PEBP4: variants seen among roughly 807,000 people sequenced by gnomAD.
The protein encoded by PEBP4 is phosphatidylethanolamine binding protein 4.
In PEBP4, 22 loss-of-function variants were observed where a neutral mutation model predicts 23.9. The observed-to-expected ratio is 0.92, with a 90% CI of 0.66 to 1.31. The LOEUF is 1.31. Ranked by LOEUF, PEBP4 falls within the 40% of genes most tolerant of loss-of-function variation. The probability of loss-of-function intolerance (pLI) is 0.00; values close to 1 mark genes in which losing one functional copy is unlikely to be tolerated. For synonymous variants in PEBP4, 112 were observed against 99.3 expected (o/e 1.13, Z -0.76); for missense variants, 324 against 281.7 (o/e 1.15, Z -1.07).
intron 3 of PEBP4, among the ~76,000 whole-genome samples, chr8:22,827,615 G>C (rs189899748): frequency 9.8e-4 from 149 of 152,244 alleles, no homozygotes; most frequent in Non-Finnish European, 1.4e-3. Flanking sequence ...TGTATGGATA[G>C]AGACCACATT....
At chr8:22,915,020 C>A (rs562504599) in intron 3 of PEBP4, among the ~76,000 whole-genome samples, 1 of 152,118 alleles carries the variant, frequency 6.6e-6, no homozygotes, top group African/African-American at 2.4e-5. Context: ...TCATTGTTAC[C>A]CACTCGCCTG....
intron 4 of PEBP4, among the ~76,000 whole-genome samples, chr8:22,746,165 A>T (rs1805112042): frequency 6.6e-6 from 1 of 151,822 alleles, no homozygotes; most frequent in Non-Finnish European, 1.5e-5. Flanking sequence ...GCTGAAGTAC[A>T]TGTGAAAAGG....
upstream of PEBP4, among the ~76,000 whole-genome samples, chr8:22,931,425 C>A (rs1000082753): frequency 1.1e-4 from 17 of 152,030 alleles, no homozygotes; most frequent in African/African-American, 3.9e-4. Flanking sequence ...CAACCCTAAT[C>A]TATTTTCCGT....
chr8:22,870,189 C>T (rs1002017632), intron 3 of PEBP4, among the ~76,000 whole-genome samples: 1 of 152,154 alleles, frequency 6.6e-6, no homozygotes, highest in Non-Finnish European at 1.5e-5. Flanking sequence ...TTGGAAGCAA[C>T]CAAAATGTCA....
intron 3 of PEBP4, among the ~76,000 whole-genome samples, chr8:22,874,416 C>T (rs191925100): frequency 2.0e-5 from 3 of 152,308 alleles, no homozygotes; most frequent in Admixed American, 2.0e-4. Context: ...ATGAATGTTT[C>T]TCAGTTCAGT....
chr8:22,895,527 A>T (rs981477578), intron 3 of PEBP4: 11 of 152,132 alleles, frequency 7.2e-5, no homozygotes, highest in African/African-American at 2.2e-4. Flanking sequence ...GGATTTTTTT[A>T]AAAATTCTGA....
chr8:22,746,554 C>G (rs907445368), intron 4 of PEBP4, among the ~76,000 whole-genome samples: 1 of 151,942 alleles, frequency 6.6e-6, no homozygotes, highest in South Asian at 2.1e-4. Flanking sequence ...CAGCCTCTTC[C>G]TCCCTGTCCT....
At chr8:22,871,942 C>G (rs529862065) in intron 3 of PEBP4, among the ~76,000 whole-genome samples, 13 of 152,264 alleles carry the variant, frequency 8.5e-5, no homozygotes, top group East Asian at 5.8e-4. Context: ...AACCTCCCCC[C>G]GCAAGTCCCC....
At chr8:22,740,646 C>T (rs547111373) in intron 4 of PEBP4, among the ~76,000 whole-genome samples, 53 of 152,180 alleles carry the variant, frequency 3.5e-4, no homozygotes, top group Non-Finnish European at 5.9e-4. Flanking sequence ...ATCTGAGCCC[C>T]GGTTCCTGAT....
chr8:22,913,986 T>C (rs902672344), intron 3 of PEBP4, among the ~76,000 whole-genome samples: 2 of 64,154 alleles, frequency 3.1e-5, no homozygotes, highest in East Asian at 4.2e-4. Context: ...GCCTGGCTAC[T>C]TTTTTTTTTT....
At position 22,805,381 on chromosome 8, in the gene PEBP4, C is replaced by T. The variant is rs571938958; in HGVS notation, c.357+12256G>A. On this transcript the variant is annotated intron_variant, in intron 4 of 6. Coordinates refer to ENST00000256404, the MANE Select transcript of PEBP4 (RefSeq NM_144962.3). ...TGCTCTTGTTGCCCAGGCTGGAGTG[C>T]GATGGCACGATCTTGGCTCACCACA... 4.6e-5 allele frequency among the ~76,000 whole-genome samples: 7 copies of T among 151,504 alleles called. No individual in the cohort carries two copies. The South Asian group carries it at 1.1e-3, about 23-fold the overall frequency.
intron 4 of PEBP4, among the ~76,000 whole-genome samples, chr8:22,743,713 G>A (rs1282519470): frequency 6.6e-6 from 1 of 152,182 alleles, no homozygotes; most frequent in Non-Finnish European, 1.5e-5. Flanking sequence ...TGATTCTTAA[G>A]AGTGTCAACA....
At chr8:22,767,778 G>A (rs1338651771) in intron 4 of PEBP4, among the ~76,000 whole-genome samples, 1 of 152,000 alleles carries the variant, frequency 6.6e-6, no homozygotes, top group Non-Finnish European at 1.5e-5. Context: ...TTTTTGAGAT[G>A]GAGTTTGGCT....
At chr8:22,935,244 G>C (rs918732790) in intron 1 of PEBP4, among the ~76,000 whole-genome samples, 1 of 152,196 alleles carries the variant, frequency 6.6e-6, no homozygotes, top group Non-Finnish European at 1.5e-5. Context: ...AGACTGGCTG[G>C]GCATGGTGGC....
At chr8:22,724,283 C>T (rs572325044) in intron 6 of PEBP4, among the ~76,000 whole-genome samples, 39 of 152,090 alleles carry the variant, frequency 2.6e-4, no homozygotes, top group African/African-American at 8.7e-4. Flanking sequence ...AGGCGGGGTT[C>T]GCCATTAGGA....
At chr8:22,743,861 G>T (rs146800022) in intron 4 of PEBP4, among the ~76,000 whole-genome samples, 1 of 152,198 alleles carries the variant, frequency 6.6e-6, no homozygotes, top group African/African-American at 2.4e-5. Flanking sequence ...ACTAGACTCC[G>T]TGGAGGGTGG....
chr8:22,822,617 C>G (rs1019477933), intron 3 of PEBP4, among the ~76,000 whole-genome samples: 16 of 151,872 alleles, frequency 1.1e-4, no homozygotes, highest in African/African-American at 3.4e-4. Flanking sequence ...AAGTAATATT[C>G]AGTAAACTGT....
chr8:22,890,953 C>G (rs530583894), intron 3 of PEBP4, among the ~76,000 whole-genome samples: 4 of 152,262 alleles, frequency 2.6e-5, no homozygotes, highest in Admixed American at 6.5e-5. Flanking sequence ...CTCAGCCTTG[C>G]GAGTAGCTGA....
rs190204379 is a variant in PEBP4, at chr8:22,912,038, G to C, written c.258+8146C>G. 2.6e-5 allele frequency among the ~76,000 whole-genome samples: 4 copies of C among 152,184 alleles called. No homozygotes were observed. The South Asian group carries it at 6.2e-4, about 24-fold the overall frequency. ...GACTGGGGGTGGCGGATTGGGTAAG[G>C]GGGGGCGCTGTTTGATTAAAAGCTG... On this transcript the variant is annotated intron_variant, in intron 3 of 6. Coordinates refer to ENST00000256404, the MANE Select transcript of PEBP4 (RefSeq NM_144962.3).
Sources: gnomAD v4.1 joint callset for allele counts (sites outside exome capture counted in the v4.1 genomes callset) on GRCh38, gnomAD v4.1.1 for gene constraint, MANE v1.5 for transcripts, NCBI Gene and HGNC (gene_info 2026-07-23, HGNC 2026-07-21) for gene names.